The following AKAP13 variants were observed in gnomAD, a reference collection of about 807,000 sequenced individuals.
AKAP13 encodes the protein A-kinase anchor protein 13.
Under a neutral mutation model 264.5 loss-of-function variants are expected in AKAP13, and 80 were observed. The observed-to-expected ratio is 0.30, with a 90% CI of 0.25 to 0.36. The LOEUF (loss-of-function observed/expected upper bound fraction) is 0.36, where lower values mean the gene tolerates loss of function less well. Ranked by LOEUF, AKAP13 falls within the 10% of genes least tolerant of loss-of-function variation. The pLI, the probability that AKAP13 is intolerant of heterozygous loss-of-function variation, is 1.00. For missense variants in AKAP13, 3,712 were observed against 3,435.2 expected (o/e 1.08, Z -2.01); for synonymous variants, 1,380 against 1,250.2 (o/e 1.10, Z -2.19).
rs367987879 is a variant in AKAP13 at position 85,406,656 on chromosome 15, A to T, written c.-12+25858A>T. ...ACTGACCTTTCCAGTCTGAATTCCT[A>T]TTTAGAAATAAACTACTTATGTTAT... On this transcript the variant is annotated intron_variant, in intron 1 of 36. Transcript: ENST00000394518. Among the ~76,000 whole-genome samples the T allele has an allele frequency of 1.5e-4, 22 of 151,640 alleles. No homozygotes were observed. In the East Asian group the frequency reaches 3.7e-3, roughly 25 times the overall value.
chr15:85,743,561 C>T lies in AKAP13; in HGVS notation c.8128C>T (p.Pro2710Ser). The T allele has an allele frequency of 6.2e-7, 1 of 1,614,172 alleles. No individual in the cohort carries two copies. The highest frequency in any genetic ancestry group is 1.1e-5 in the South Asian group (1 of 91,082). ...FFPSPEEPPS[P>S]SAPSIAKSGS... Reference sequence around the variant, plus strand: ...CCCCAGTCCTGAGGAGCCCCCCTCGCCATCTGCACCTTCCATAGCCAAATC... The same window carrying T: ...CCCCAGTCCTGAGGAGCCCCCCTCGTCATCTGCACCTTCCATAGCCAAATC... Residue 2710 changes from proline (P) to serine (S), a missense_variant, in exon 36 of 37, where the codon CCA (proline) becomes TCA (serine). Coordinates refer to ENST00000394518, the MANE Select transcript of AKAP13 (RefSeq NM_007200.5).
intron 2 of AKAP13, among the ~76,000 whole-genome samples, chr15:85,488,225 C>CT (rs2075621201): frequency 1.3e-5 from 2 of 152,188 alleles, no homozygotes; most frequent in South Asian, 4.1e-4. Flanking sequence ...TGTTGCCAGG[C>CT]TACCTTGGTT....
intron 5 of AKAP13, among the ~76,000 whole-genome samples, chr15:85,567,941 G>GGTGT (rs57049395): frequency 0.074 from 10,422 of 141,794 alleles, 444 homozygotes; most frequent in Admixed American, 0.14. Context: ...AGCCCAAAGA[G>GGTGT]GTGTGTGTGT....
intron 5 of AKAP13, among the ~76,000 whole-genome samples, chr15:85,567,455 A>G (rs918817472): frequency 5.3e-5 from 8 of 152,204 alleles, no homozygotes; most frequent in Non-Finnish European, 8.8e-5. Context: ...TGGTGACTGT[A>G]GGCTTTTAGT....
chr15:85,561,053 T>A (rs1029364134), intron 5 of AKAP13, among the ~76,000 whole-genome samples: 1 of 6,116 alleles, frequency 1.6e-4, no homozygotes, highest in African/African-American at 2.3e-4. Context: ...ATGTAAGGAT[T>A]TTTTTTTTTT....
At chr15:85,689,704 G>A (rs2151629204) in intron 16 of AKAP13, among the ~76,000 whole-genome samples, 1 of 152,340 alleles carries the variant, frequency 6.6e-6, no homozygotes, top group South Asian at 2.1e-4. Flanking sequence ...AACTTCCCGT[G>A]TAAAAACTTG....
chr15:85,734,896 C>G (rs1221936764), intron 30 of AKAP13, 96 bp from the exon 31 acceptor site: 3 of 1,476,650 alleles, frequency 2.0e-6, no homozygotes, highest in Non-Finnish European at 2.7e-6. Context: ...TTGGAACTTT[C>G]AAGTCGTGCT....
At chr15:85,552,251 G>A (rs1275715512) in intron 5 of AKAP13, among the ~76,000 whole-genome samples, 1 of 152,140 alleles carries the variant, frequency 6.6e-6, no homozygotes, top group East Asian at 1.9e-4. Context: ...TCATTAAACA[G>A]CATATACAAC....
chr15:85,707,917 C>G (rs1193795812), intron 17 of AKAP13, 102 bp from the exon 18 acceptor site: 2 of 1,118,174 alleles, frequency 1.8e-6, no homozygotes, highest in Non-Finnish European at 2.7e-6. Context: ...ATGTGAGTGA[C>G]TTCACTTTGA....
chr15:85,683,824 C>A (rs1185756577), intron 15 of AKAP13, among the ~76,000 whole-genome samples: 2 of 152,156 alleles, frequency 1.3e-5, no homozygotes, highest in African/African-American at 4.8e-5. Context: ...TTAGAACATG[C>A]CCATCTTGGA....
chr15:85,575,196 C>G lies in AKAP13; in HGVS notation c.728C>G (p.Ser243Cys). Residue 243 changes from serine (S) to cysteine (C), a missense_variant, in exon 6 of 37, where the codon TCT becomes TGT. Physicochemically the swap from Ser to Cys is moderately radical, Grantham distance 112. This residue lies in a region of AKAP13 where 2,759 missense variants were observed against 2,411.7 expected (regional missense o/e 1.14). Coordinates refer to ENST00000394518, the MANE Select transcript of AKAP13 (RefSeq NM_007200.5). ...TATGAAATACCGTATGGAGACTGTT[C>G]TGTGAGGCATCATCGAGAGTTGGAC... ...LSYEIPYGDCSVRHHRELDIY... is the reference protein window; with the variant it reads ...LSYEIPYGDCCVRHHRELDIY... 1 of 1,614,096 alleles carries G rather than the reference C, an allele frequency of 6.2e-7. No individual in the cohort carries two copies. Among genetic ancestry groups the G allele is most frequent in the African/African-American group, 1.3e-5 (1 of 75,024 alleles).
intron 1 of AKAP13, among the ~76,000 whole-genome samples, chr15:85,483,935 T>A (rs2075440072): frequency 6.6e-6 from 1 of 152,336 alleles, no homozygotes; most frequent in South Asian, 2.1e-4. Context: ...TCTTCCAGCG[T>A]GGCCCAGGGA....
chr15:85,613,715 A>ATGTATATATATATATATATATAT (rs1421387238), intron 8 of AKAP13, among the ~76,000 whole-genome samples: 5 of 77,118 alleles, frequency 6.5e-5, no homozygotes, highest in Admixed American at 1.4e-4. Flanking sequence ...TATATATATT[A>ATGTATATATATATATATATATAT]GGAGTGCTGA....
rs146417279 is a variant in AKAP13 at position 85,677,849 on chromosome 15, C to T, written c.5102-4309C>T. ...ATTTTTAGTAGAGACGGGGTTTCAC[C>T]ATGTTATCCAGCATGATCTCGATCT... On this transcript the variant is annotated intron_variant, in intron 14 of 36. Coordinates refer to ENST00000394518, the MANE Select transcript of AKAP13 (RefSeq NM_007200.5). Among the ~76,000 whole-genome samples the T allele has an allele frequency of 3.8e-4, 58 of 152,138 alleles. No homozygotes were observed. In the East Asian group the frequency reaches 0.01, roughly 27 times the overall value.
intron 8 of AKAP13, among the ~76,000 whole-genome samples, chr15:85,629,923 G>A (rs554737456): frequency 2.0e-5 from 3 of 151,528 alleles, no homozygotes; most frequent in South Asian, 4.2e-4. Flanking sequence ...GGGATTACAG[G>A]CGCCCACAAC....
intron 1 of AKAP13, among the ~76,000 whole-genome samples, chr15:85,389,053 C>T (rs1438639277): frequency 6.6e-6 from 1 of 152,218 alleles, no homozygotes; most frequent in Non-Finnish European, 1.5e-5. Context: ...CAGTTGAGAA[C>T]ACAAATGTCT....
chr15:85,505,325 T>G (rs1343417498), intron 2 of AKAP13, among the ~76,000 whole-genome samples: 2 of 152,238 alleles, frequency 1.3e-5, no homozygotes, highest in African/African-American at 4.8e-5. Context: ...TTAAGAATTA[T>G]CCTGTATCTT....
At position 85,664,545 on chromosome 15, in the gene AKAP13, T is replaced by A. The variant is rs1053963750; in HGVS notation, c.4800-18T>A. The A allele has an allele frequency of 7.6e-6, 12 of 1,585,830 alleles. No individual in the cohort carries two copies. The Admixed American group carries it at 1.2e-4, about 16-fold the overall frequency. On this transcript the variant is annotated intron_variant, in intron 12 of 36. Coordinates refer to ENST00000394518, the MANE Select transcript of AKAP13 (RefSeq NM_007200.5). ...GACCCAGAAATAGAATGAATTAACT[T>A]TTGTGCCCTATGTTCAGTTTCAGTC...
chr15:85,419,362 C>T (rs1329706120), intron 1 of AKAP13, among the ~76,000 whole-genome samples: 1 of 152,210 alleles, frequency 6.6e-6, no homozygotes, highest in Non-Finnish European at 1.5e-5. Flanking sequence ...GGTAAAGACT[C>T]ACCGATCATA....
Sources: gnomAD v4.1 joint callset for allele counts (sites outside exome capture counted in the v4.1 genomes callset) on GRCh38, gnomAD v4.1.1 for gene constraint, gnomAD v4.1.1 regional missense constraint, MANE v1.5 for transcripts, NCBI Gene and HGNC (gene_info 2026-07-23, HGNC 2026-07-21) for gene names.